The following POU6F2 variants were observed in gnomAD, a reference collection of about 807,000 sequenced individuals.
The protein encoded by POU6F2 is POU domain, class 6, transcription factor 2.
A neutral mutation model predicts 71.3 loss-of-function variants in POU6F2; 31 were observed. The ratio of observed to expected loss-of-function variants is 0.43; its 90% CI spans 0.33 to 0.59. POU6F2 has a LOEUF of 0.59. Ranked by LOEUF, POU6F2 falls within the 20% of genes least tolerant of loss-of-function variation. The probability of loss-of-function intolerance (pLI) is 0.04; values close to 1 mark genes in which losing one functional copy is unlikely to be tolerated. For synonymous variants in POU6F2, 347 were observed against 355.7 expected, an observed-to-expected ratio of 0.98 and a Z score of 0.27; for missense variants, 783 against 856.8, an observed-to-expected ratio of 0.91 and a Z score of 1.07.
At chr7:39,032,695 A>G (rs1257638492) in intron 1 of POU6F2, among the ~76,000 whole-genome samples, 1 of 152,218 alleles carries the variant, frequency 6.6e-6, no homozygotes, top group Non-Finnish European at 1.5e-5. Flanking sequence ...TGCGTATTGC[A>G]GGACACATGA....
chr7:39,083,832 A>G (rs1214276736), intron 1 of POU6F2: 4 of 152,300 alleles, frequency 2.6e-5, no homozygotes, highest in Middle Eastern at 3.4e-3. Flanking sequence ...AGGGGGGAAA[A>G]CAATGGAGAA....
At chr7:39,371,022 A>G (rs924966920) in intron 5 of POU6F2, among the ~76,000 whole-genome samples, 1 of 152,136 alleles carries the variant, frequency 6.6e-6, no homozygotes, top group Non-Finnish European at 1.5e-5. Flanking sequence ...TCCCTTTCTC[A>G]TAGATTATAT....
chr7:39,016,016 A>ATATAT (rs1789521511), intron 1 of POU6F2, among the ~76,000 whole-genome samples: 2 of 17,634 alleles, frequency 1.1e-4, no homozygotes, highest in South Asian at 2.0e-3. Context: ...ATTATATATT[A>ATATAT]TATATATTAT....
chr7:39,133,981 C>A (rs918836039), intron 2 of POU6F2, among the ~76,000 whole-genome samples: 3 of 152,002 alleles, frequency 2.0e-5, no homozygotes, highest in Admixed American at 2.0e-4. Flanking sequence ...CTCAAGGGAT[C>A]CTCCCACCTC....
At chr7:39,130,748 G>A (rs1391189838) in intron 2 of POU6F2, among the ~76,000 whole-genome samples, 1 of 152,004 alleles carries the variant, frequency 6.6e-6, no homozygotes, top group Non-Finnish European at 1.5e-5. Context: ...GTCCTCAAAT[G>A]TGCCTGCATT....
intron 5 of POU6F2, among the ~76,000 whole-genome samples, chr7:39,386,919 C>T (rs1786958561): frequency 6.6e-6 from 1 of 152,200 alleles, no homozygotes; most frequent in Admixed American, 6.5e-5. Flanking sequence ...CTCTGCAGCG[C>T]CCCCTTGCAT....
At chr7:39,195,138 C>A (rs548192324) in intron 2 of POU6F2, among the ~76,000 whole-genome samples, 1 of 152,124 alleles carries the variant, frequency 6.6e-6, no homozygotes, top group African/African-American at 2.4e-5. Context: ...GATTCATATT[C>A]CTATTGTCCC....
chr7:39,431,432 TCA>T (rs1316443280), intron 6 of POU6F2, among the ~76,000 whole-genome samples: 2 of 152,170 alleles, frequency 1.3e-5, no homozygotes, highest in East Asian at 3.8e-4. Context: ...TAGAAACCAC[TCA>T]GTCAAAAAAC....
At chr7:39,119,906 A>C (rs1053851872) in intron 2 of POU6F2, among the ~76,000 whole-genome samples, 3 of 152,228 alleles carry the variant, frequency 2.0e-5, no homozygotes, top group African/African-American at 7.2e-5. Flanking sequence ...TGCAATTCAC[A>C]GAATTAGAAG....
At chr7:39,384,677 A>G (rs1008060456) in intron 5 of POU6F2, among the ~76,000 whole-genome samples, 1 of 152,046 alleles carries the variant, frequency 6.6e-6, no homozygotes, top group African/African-American at 2.4e-5. Flanking sequence ...TCATTTCTAA[A>G]CTCTCACCTT....
intron 2 of POU6F2, among the ~76,000 whole-genome samples, chr7:39,203,476 C>T (rs748955090): frequency 6.6e-6 from 1 of 152,150 alleles, no homozygotes; most frequent in Admixed American, 6.5e-5. Context: ...ATCTTACCTG[C>T]TATAGTTTGT....
At chr7:39,372,146 C>T (rs1786626100) in intron 5 of POU6F2, among the ~76,000 whole-genome samples, 1 of 152,160 alleles carries the variant, frequency 6.6e-6, no homozygotes, top group Admixed American at 6.5e-5. Context: ...GTCTCAATCT[C>T]CTGGTCTGAA....
chr7:39,303,156 G>GT (rs1348118047), intron 4 of POU6F2, among the ~76,000 whole-genome samples: 2 of 151,918 alleles, frequency 1.3e-5, no homozygotes, highest in South Asian at 2.1e-4. Context: ...TTTGTTTTTT[G>GT]TTTTTTTGGT....
chr7:39,382,495 C>T (rs945212668), intron 5 of POU6F2, among the ~76,000 whole-genome samples: 3 of 152,172 alleles, frequency 2.0e-5, no homozygotes, highest in African/African-American at 7.2e-5. Flanking sequence ...ACCCCAGCCA[C>T]GGATCTCAGG....
intron 4 of POU6F2, among the ~76,000 whole-genome samples, chr7:39,290,729 CT>C: frequency 6.6e-6 from 1 of 152,178 alleles, no homozygotes; most frequent in Non-Finnish European, 1.5e-5. Flanking sequence ...CTGAGATGCT[CT>C]GCAGGACTTT....
At chr7:39,037,209 C>A (rs559364329) in intron 1 of POU6F2, among the ~76,000 whole-genome samples, 1 of 152,038 alleles carries the variant, frequency 6.6e-6, no homozygotes, top group Non-Finnish European at 1.5e-5. Context: ...AACCCTTAAT[C>A]TCCAAAGCAT....
rs565934239 is a variant in POU6F2 at position 39,099,926 on chromosome 7, G to A, written c.277+13895G>A. Among the ~76,000 whole-genome samples, 16 of 152,268 alleles carry A rather than the reference G, an allele frequency of 1.1e-4. No homozygotes were observed. The South Asian group carries it at 1.9e-3, about 18-fold the overall frequency. On this transcript the variant is annotated intron_variant, in intron 2 of 9. Transcript: ENST00000518318. ...GAACGTTAAGATCTCTTTTCTCAAC[G>A]TAGCTTTCTCCATGAAAGCCAAAAC...
At chr7:39,042,835 T>G (rs1477811267) in intron 1 of POU6F2, among the ~76,000 whole-genome samples, 1 of 149,194 alleles carries the variant, frequency 6.7e-6, no homozygotes, top group Non-Finnish European at 1.5e-5. Flanking sequence ...AAGTCGTGCC[T>G]TCAGGGCACA....
intron 1 of POU6F2, among the ~76,000 whole-genome samples, chr7:39,018,865 A>G (rs1050885594): frequency 2.6e-5 from 4 of 152,264 alleles, no homozygotes; most frequent in South Asian, 2.1e-4. Context: ...TACCCTTTTC[A>G]TGAAGAAGGT....
Sources: gnomAD v4.1 joint callset for allele counts (sites outside exome capture counted in the v4.1 genomes callset) on GRCh38, gnomAD v4.1.1 for gene constraint, MANE v1.5 for transcripts, NCBI Gene and HGNC (gene_info 2026-07-23, HGNC 2026-07-21) for gene names.